Variants in SNX7 observed in about 807,000 individuals in gnomAD.
SNX7 encodes sorting nexin 7, also known as sorting nexin-7.
Under a neutral mutation model 48.4 loss-of-function variants are expected in SNX7, and 35 were observed. The observed-to-expected ratio is 0.72, with a 90% CI of 0.55 to 0.96. The LOEUF is 0.96. SNX7 is among the 40% of genes least tolerant of loss of function. SNX7 has a pLI of 0.00. For synonymous variants in SNX7, 190 were observed against 190.2 expected (o/e 1.00, Z 0.01); for missense variants, 553 against 548.9 (o/e 1.01, Z -0.07).
chr1:98,696,327 G>A (rs1053401646), intron 5 of SNX7, among the ~76,000 whole-genome samples: 8 of 151,966 alleles, frequency 5.3e-5, no homozygotes, highest in Non-Finnish European at 1.2e-4. Flanking sequence ...TGTTATTAGA[G>A]ATGAGGAACT....
At chr1:98,708,753 G>A (rs968144703) in intron 7 of SNX7, among the ~76,000 whole-genome samples, 5 of 152,164 alleles carry the variant, frequency 3.3e-5, no homozygotes, top group African/African-American at 9.7e-5. Flanking sequence ...GGCTTGAGTG[G>A]TAGGTACAAA....
intron 1 of SNX7, among the ~76,000 whole-genome samples, chr1:98,682,133 TTC>T (rs1354608398): frequency 2.0e-5 from 3 of 152,050 alleles, no homozygotes; most frequent in East Asian, 1.9e-4. Flanking sequence ...TTCCTTGTTT[TTC>T]TCTCTCACCT....
intron 8 of SNX7, among the ~76,000 whole-genome samples, chr1:98,758,815 A>T (rs1373471166): frequency 2.0e-5 from 3 of 151,956 alleles, no homozygotes; most frequent in Admixed American, 6.6e-5. Context: ...TTAGCTTCCT[A>T]AGTTATTAGA....
rs1005445156 is a variant in SNX7 at position 98,684,560 on chromosome 1, C to T, written c.181-325C>T. On this transcript the variant is annotated intron_variant, in intron 1 of 8. Coordinates refer to ENST00000306121, the MANE Select transcript of SNX7 (RefSeq NM_015976.5). The stretch of plus-strand genomic sequence containing the variant: ...ATGAGGGCTCTACCCTTATGACTTA[C>T]TCACCTTTAAAGGCTCCACCTCTTA... Among the ~76,000 whole-genome samples the T allele has an allele frequency of 2.0e-5, 3 of 152,162 alleles. No homozygotes were observed. The South Asian group carries it at 6.2e-4, about 31-fold the overall frequency.
intron 1 of SNX7, among the ~76,000 whole-genome samples, chr1:98,663,772 A>G (rs1174398547): frequency 6.6e-6 from 1 of 152,156 alleles, no homozygotes; most frequent in Admixed American, 6.5e-5. Context: ...GGGACCTTCC[A>G]AACTCTAAAA....
chr1:98,734,057 C>T (rs189631247), intron 7 of SNX7, among the ~76,000 whole-genome samples: 33 of 152,208 alleles, frequency 2.2e-4, no homozygotes, highest in Non-Finnish European at 4.0e-4. Flanking sequence ...TTGCCAACTC[C>T]AGACCAGCCT....
chr1:98,689,308 C>T (rs1650982218), intron 2 of SNX7, among the ~76,000 whole-genome samples: 1 of 152,132 alleles, frequency 6.6e-6, no homozygotes, highest in Non-Finnish European at 1.5e-5. Context: ...TTTTCCTTAT[C>T]ATATTCCTAC....
intron 1 of SNX7, among the ~76,000 whole-genome samples, chr1:98,684,070 G>A (rs1053858541): frequency 6.6e-6 from 1 of 152,098 alleles, no homozygotes; most frequent in Non-Finnish European, 1.5e-5. Context: ...TATGTCCACA[G>A]GTTCTTGGTG....
Position 98,738,276 on chromosome 1 carries a change from T to C in SNX7, c.1165T>C (p.Cys389Arg), listed in dbSNP as rs1182816401. The C allele has an allele frequency of 1.2e-6, 2 of 1,613,422 alleles. No homozygotes were observed. Among genetic ancestry groups the C allele is most frequent in the Non-Finnish European group, 8.5e-7 (1 of 1,179,682 alleles). Residue 389 changes from cysteine to arginine, a missense_variant, in exon 8 of 9, where the codon TGT (cysteine) becomes CGT (arginine). Coordinates refer to ENST00000306121, the MANE Select transcript of SNX7 (RefSeq NM_015976.5). ...TGGAAAACTTGAAGATAAAGTGGAA[T>C]GTGCTAATAATGCCCTGAAAGCAGA... ...EIGKLEDKVE[C>R]ANNALKADWE...
intron 7 of SNX7, among the ~76,000 whole-genome samples, chr1:98,723,280 A>G (rs1652982051): frequency 6.6e-6 from 1 of 152,128 alleles, no homozygotes; most frequent in South Asian, 2.1e-4. Context: ...AAGACTTAAA[A>G]TAGATGATTT....
At chr1:98,741,770 G>A (rs1654083259) in intron 8 of SNX7, among the ~76,000 whole-genome samples, 1 of 152,076 alleles carries the variant, frequency 6.6e-6, no homozygotes. Flanking sequence ...TCTTGAAGGT[G>A]CAAAAGAATA....
intron 7 of SNX7, among the ~76,000 whole-genome samples, chr1:98,706,092 A>G (rs1360588597): frequency 6.6e-6 from 1 of 152,198 alleles, no homozygotes; most frequent in African/African-American, 2.4e-5. Context: ...AAAACTTTTC[A>G]GCAAAGTTAA....
At chr1:98,739,616 T>G (rs12401685) in intron 8 of SNX7, among the ~76,000 whole-genome samples, 40,213 of 151,938 alleles carry the variant, frequency 0.26, 5,645 homozygotes, top group Middle Eastern at 0.31. Context: ...CATTGCAGGG[T>G]CATATAACCT....
chr1:98,703,621 A>G (rs1651863907), intron 7 of SNX7, among the ~76,000 whole-genome samples: 1 of 152,088 alleles, frequency 6.6e-6, no homozygotes, highest in East Asian at 1.9e-4. Context: ...TTGATAAGAA[A>G]CAATTGACTC....
intron 7 of SNX7, among the ~76,000 whole-genome samples, chr1:98,722,721 T>C: frequency 6.6e-6 from 1 of 152,080 alleles, no homozygotes; most frequent in Non-Finnish European, 1.5e-5. Flanking sequence ...AGAATAACTA[T>C]CATCCTCAAA....
At chr1:98,730,754 CACAA>C (rs1476453203) in intron 7 of SNX7, among the ~76,000 whole-genome samples, 2 of 151,948 alleles carry the variant, frequency 1.3e-5, no homozygotes, top group Admixed American at 1.3e-4. Context: ...AATCAGAGGA[CACAA>C]ACAAATGCAA....
chr1:98,722,158 A>T (rs1048811414), intron 7 of SNX7, among the ~76,000 whole-genome samples: 1 of 152,048 alleles, frequency 6.6e-6, no homozygotes, highest in African/African-American at 2.4e-5. Flanking sequence ...GTGTTTTATG[A>T]CTCAATTTGT....
chr1:98,703,105 T>G (rs958853532), intron 7 of SNX7, among the ~76,000 whole-genome samples: 3 of 152,052 alleles, frequency 2.0e-5, no homozygotes, highest in African/African-American at 7.2e-5. Context: ...AAGGGCAGAT[T>G]TTTTTTATTT....
In SNX7 at chr1:98,735,027, C is replaced by T. The variant is rs138373167; in HGVS notation, c.1126-3210C>T. 4.8e-3 allele frequency among the ~76,000 whole-genome samples: 737 copies of T among 152,190 alleles called. 7 individuals are homozygous for T. The highest frequency in any genetic ancestry group is 0.017 in the African/African-American group (703 of 41,536). On this transcript the variant is annotated intron_variant, in intron 7 of 8. Coordinates refer to ENST00000306121, the MANE Select transcript of SNX7 (RefSeq NM_015976.5). ...TCCTATGGTTAGAGTTATTGAAACC[C>T]GACATCTGGTGTTGGAGGGAACAAT...
Sources: gnomAD v4.1 joint callset for allele counts (sites outside exome capture counted in the v4.1 genomes callset) on GRCh38, gnomAD v4.1.1 for gene constraint, MANE v1.5 for transcripts, NCBI Gene and HGNC (gene_info 2026-07-23, HGNC 2026-07-21) for gene names.